CFAP20DC: variants seen among roughly 807,000 people sequenced by gnomAD.
The protein encoded by CFAP20DC is protein CFAP20DC.
In CFAP20DC, 84 loss-of-function variants were observed where a neutral mutation model predicts 101.7. The ratio of observed to expected loss-of-function variants is 0.83; its 90% confidence interval spans 0.69 to 0.99. The LOEUF (loss-of-function observed/expected upper bound fraction) is 0.99, where lower values mean the gene tolerates loss of function less well. CFAP20DC is among the 50% of genes least tolerant of loss of function. The pLI is 0.00. For synonymous variants in CFAP20DC, 359 were observed against 351.2 expected, an observed-to-expected ratio of 1.02 and a Z score of -0.25; for missense variants, 1,007 against 970.3, an observed-to-expected ratio of 1.04 and a Z score of -0.50.
At chr3:58,812,178 C>A (rs1675268127) in intron 14 of CFAP20DC, among the ~76,000 whole-genome samples, 1 of 152,082 alleles carries the variant, frequency 6.6e-6, no homozygotes. Flanking sequence ...CTAGAAATAC[C>A]ATTTGACCCA....
chr3:58,966,987 G>A (rs542334191), intron 4 of CFAP20DC, among the ~76,000 whole-genome samples: 1 of 152,034 alleles, frequency 6.6e-6, no homozygotes, highest in African/African-American at 2.4e-5. Flanking sequence ...ATCAGAATCC[G>A]AGCTGACTTC....
intron 14 of CFAP20DC, among the ~76,000 whole-genome samples, chr3:58,827,355 G>A (rs909815342): frequency 2.0e-5 from 3 of 149,012 alleles, no homozygotes; most frequent in African/African-American, 7.4e-5. Context: ...CACAGGGCAT[G>A]GCTCACCAAC....
chr3:58,924,083 A>C (rs143671686), intron 5 of CFAP20DC, among the ~76,000 whole-genome samples: 1 of 152,066 alleles, frequency 6.6e-6, no homozygotes, highest in Admixed American at 6.6e-5. Flanking sequence ...AATGCAAAAA[A>C]TTTTTTAAAA....
At chr3:59,011,475 A>G (rs538063776) in intron 4 of CFAP20DC, among the ~76,000 whole-genome samples, 76 of 149,554 alleles carry the variant, frequency 5.1e-4, no homozygotes, top group African/African-American at 1.6e-3. Flanking sequence ...CTAGAGAAAC[A>G]AGAACAAATC....
chr3:58,981,162 T>C (rs547730039), intron 4 of CFAP20DC, among the ~76,000 whole-genome samples: 19 of 152,048 alleles, frequency 1.2e-4, no homozygotes, highest in East Asian at 3.9e-4. Flanking sequence ...ATGTGAAGGA[T>C]CTCTTTAAGG....
intron 4 of CFAP20DC, among the ~76,000 whole-genome samples, chr3:59,025,576 CA>C (rs1169008086): frequency 1.3e-5 from 2 of 152,120 alleles, no homozygotes; most frequent in African/African-American, 4.8e-5. Flanking sequence ...ACCCAAAAAA[CA>C]CATATAATAT....
At chr3:58,730,547 A>C (rs1402100315) in intron 3 of CFAP20DC, among the ~76,000 whole-genome samples, 1 of 152,164 alleles carries the variant, frequency 6.6e-6, no homozygotes, top group Non-Finnish European at 1.5e-5. Context: ...AACCAGTAGG[A>C]TCTCCTGACC....
intron 4 of CFAP20DC, among the ~76,000 whole-genome samples, chr3:58,960,748 T>C (rs1226119526): frequency 6.6e-6 from 1 of 152,168 alleles, no homozygotes; most frequent in Non-Finnish European, 1.5e-5. Context: ...TCCTTTGCAA[T>C]AAGGATGACT....
chr3:58,861,399 C>T lies in CFAP20DC; in HGVS notation c.1593+2159G>A. ...AATAATGCAATTAATAGTAAGGATG[C>T]CTTAATTAACTAAACTGATTTTTCT... is the stretch of plus-strand genomic sequence containing the variant. On this transcript the variant is annotated intron_variant, in intron 12 of 16. Coordinates refer to ENST00000482387, the MANE Select transcript of CFAP20DC (RefSeq NM_001394063.1). This position sits in a 1 kb window ranked among gnomAD's most constrained non-coding sequence, Gnocchi z 4.0. The T allele has an allele frequency of 1.3e-6, 1 of 785,396 alleles. No homozygotes were observed. The highest frequency in any genetic ancestry group is 1.5e-6 in the Non-Finnish European group (1 of 647,922). The allele number at this position is 785,396 out of a possible 1,614,324, so 48.7% of individuals were successfully genotyped here.
intron 16 of CFAP20DC, among the ~76,000 whole-genome samples, chr3:58,753,161 C>G (rs900530021): frequency 6.6e-6 from 1 of 152,192 alleles, no homozygotes; most frequent in Non-Finnish European, 1.5e-5. Context: ...GAACACCTGG[C>G]AAATTTTCAT....
chr3:58,843,511 T>C (rs2077339098), intron 13 of CFAP20DC, among the ~76,000 whole-genome samples: 1 of 151,620 alleles, frequency 6.6e-6, no homozygotes, highest in South Asian at 2.1e-4. Context: ...TATGGGACTA[T>C]GTGAAAAGAC....
rs142988049 is a variant in CFAP20DC, at chr3:58,723,827, A to T, written c.198-6199T>A. On this transcript the variant is annotated intron_variant, in intron 3 of 3. Transcript: ENST00000486145. ...GGCATATTCAATGACCACTGTTTTC[A>T]TTATATTTAAGGTGACTGAGTGAGT... Among the ~76,000 whole-genome samples, 79 of 152,334 alleles carry T rather than the reference A, an allele frequency of 5.2e-4. 1 individual carries two copies. Among genetic ancestry groups the T allele is most frequent in the African/African-American group, 1.9e-3 (77 of 41,574 alleles).
intron 3 of CFAP20DC, among the ~76,000 whole-genome samples, chr3:58,720,814 G>T (rs2067462766): frequency 6.6e-6 from 1 of 152,112 alleles, no homozygotes; most frequent in African/African-American, 2.4e-5. Context: ...TTCACACTGA[G>T]AAATATTTAT....
intron 4 of CFAP20DC, among the ~76,000 whole-genome samples, chr3:58,941,395 G>A (rs1416945530): frequency 1.5e-5 from 2 of 131,898 alleles, no homozygotes; most frequent in South Asian, 4.8e-4. Context: ...CTAGTATATA[G>A]ACATTCAATT....
At position 58,812,351 on chromosome 3, in the gene CFAP20DC, A is replaced by T. The variant is rs1252437609; in HGVS notation, c.2176-5895T>A. Among the ~76,000 whole-genome samples, 8 of 152,274 alleles carry T rather than the reference A, an allele frequency of 5.3e-5. No individual in the cohort carries two copies. In the East Asian group the frequency reaches 9.7e-4, roughly 18 times the overall value. On this transcript the variant is annotated intron_variant, in intron 14 of 16. Transcript: ENST00000482387. ...ATGGATTAAGAAATTGTGGCACATA[A>T]ACACCATGGAATACTATGCAGCCAT...
chr3:58,820,931 G>A (rs1368169888), intron 14 of CFAP20DC, among the ~76,000 whole-genome samples: 60 of 150,526 alleles, frequency 4.0e-4, no homozygotes, highest in African/African-American at 1.4e-3. Context: ...GCATGGTACT[G>A]GTACCAAAAC....
chr3:59,005,472 A>G (rs976687942), intron 4 of CFAP20DC, among the ~76,000 whole-genome samples: 4 of 152,182 alleles, frequency 2.6e-5, no homozygotes, highest in Non-Finnish European at 5.9e-5. Flanking sequence ...ACATAACACT[A>G]TGTTCTGTGG....
intron 16 of CFAP20DC, 25 bp from the exon 17 acceptor site, chr3:58,742,597 A>C (rs1351747274): frequency 1.9e-6 from 3 of 1,560,192 alleles, no homozygotes; most frequent in Non-Finnish European, 2.6e-6. Context: ...AACCACAGAC[A>C]CATTAGCTGT....
At chr3:58,817,125 C>A (rs532408841) in intron 14 of CFAP20DC, among the ~76,000 whole-genome samples, 1 of 151,828 alleles carries the variant, frequency 6.6e-6, no homozygotes, top group Admixed American at 6.6e-5. Context: ...ACATCCACAC[C>A]GAAAACCCAT....
Sources: gnomAD v4.1 joint callset for allele counts (sites outside exome capture counted in the v4.1 genomes callset) on GRCh38, gnomAD v4.1.1 for gene constraint, Gnocchi (gnomAD v3.1) non-coding constraint, MANE v1.5 for transcripts, NCBI Gene and HGNC (gene_info 2026-07-23, HGNC 2026-07-21) for gene names.